CNTNAP4: variants seen among roughly 807,000 people sequenced by gnomAD.
The protein encoded by CNTNAP4 is contactin associated protein family member 4.
Under a neutral mutation model 148.4 loss-of-function variants are expected in CNTNAP4, and 98 were observed. The observed-to-expected ratio is 0.66, with a 90% CI of 0.56 to 0.78. The LOEUF (loss-of-function observed/expected upper bound fraction) is 0.78, where lower values mean the gene tolerates loss of function less well. CNTNAP4 is among the 30% of genes least tolerant of loss of function. The pLI, the probability that CNTNAP4 is intolerant of heterozygous loss-of-function variation, is 0.00. For missense variants in CNTNAP4, 1,935 were observed against 1,565.6 expected (o/e 1.24, Z -3.98); for synonymous variants, 730 against 565.1 (o/e 1.29, Z -4.14).
At position 76,433,759 on chromosome 16, in the gene CNTNAP4, T is replaced by C. The variant is rs574186513; in HGVS notation, c.538+6160T>C. On this transcript the variant is annotated intron_variant, in intron 4 of 23. Coordinates refer to ENST00000611870, the MANE Select transcript of CNTNAP4 (RefSeq NM_033401.5). ...TAGTTATAATTGAGTTCAATACCTA[T>C]TTATTGAGCAACTCCCACATGCTAA... 3.9e-5 allele frequency among the ~76,000 whole-genome samples: 6 copies of C among 152,212 alleles called. No homozygotes were observed. The South Asian group carries it at 1.0e-3, about 26-fold the overall frequency.
intron 3 of CNTNAP4, among the ~76,000 whole-genome samples, chr16:76,384,804 T>C (rs1388761159): frequency 6.6e-6 from 1 of 152,192 alleles, no homozygotes; most frequent in African/African-American, 2.4e-5. Context: ...TTTACTACAG[T>C]TAATTATCCA....
intron 9 of CNTNAP4, among the ~76,000 whole-genome samples, chr16:76,463,333 ATTGT>A (rs1271142699): frequency 6.6e-6 from 1 of 152,198 alleles, no homozygotes; most frequent in East Asian, 1.9e-4. Context: ...ACTGGATAAA[ATTGT>A]TTGTAAATCA....
intron 12 of CNTNAP4, among the ~76,000 whole-genome samples, chr16:76,488,080 G>A (rs1039757481): frequency 2.0e-5 from 3 of 152,198 alleles, no homozygotes; most frequent in Non-Finnish European, 4.4e-5. Context: ...TGGCTAGGCT[G>A]TCAGGTTTGT....
intron 1 of CNTNAP4, among the ~76,000 whole-genome samples, chr16:76,306,987 G>A (rs1457292287): frequency 1.3e-5 from 2 of 152,060 alleles, no homozygotes; most frequent in Non-Finnish European, 2.9e-5. Flanking sequence ...CAGACCCCAT[G>A]TTTTCACAAT....
intron 11 of CNTNAP4, among the ~76,000 whole-genome samples, chr16:76,478,035 C>T (rs1440535546): frequency 6.6e-6 from 1 of 152,116 alleles, no homozygotes; most frequent in Non-Finnish European, 1.5e-5. Flanking sequence ...GAATGACAGT[C>T]TTGGTTATAG....
Position 76,316,430 on chromosome 16 carries a change from C to G in CNTNAP4, c.103C>G (p.Leu35Val). Residue 35 changes from leucine to valine, a missense_variant, in exon 2 of 24, where the codon CTT becomes GTT. By Grantham distance (32) the Leu-to-Val change is conservative (BLOSUM62 1). Coordinates refer to ENST00000611870, the MANE Select transcript of CNTNAP4 (RefSeq NM_033401.5). ...AGNSYDCDDPLVSALPQASFS... is the reference protein window; with the variant it reads ...AGNSYDCDDPVVSALPQASFS... Reference sequence around the variant, plus strand: ...CCTGGCAGATGACTGTGATGATCCTCTTGTGTCTGCCTTGCCTCAGGCATC... The same window carrying G: ...CCTGGCAGATGACTGTGATGATCCTGTTGTGTCTGCCTTGCCTCAGGCATC... The G allele has an allele frequency of 6.2e-7, 1 of 1,613,674 alleles. No individual in the cohort carries two copies. The highest frequency in any genetic ancestry group is 8.5e-7 in the Non-Finnish European group (1 of 1,179,642).
chr16:76,463,644 C>T (rs2081068004), intron 9 of CNTNAP4, among the ~76,000 whole-genome samples: 2 of 152,084 alleles, frequency 1.3e-5, no homozygotes, highest in South Asian at 4.1e-4. Context: ...CTATTGTTCA[C>T]ACCTTACATA....
chr16:76,282,035 C>T (rs1200149473), intron 1 of CNTNAP4, among the ~76,000 whole-genome samples: 1 of 151,380 alleles, frequency 6.6e-6, no homozygotes, highest in South Asian at 2.1e-4. Context: ...GTTAATTGAC[C>T]CCTATTTAAA....
intron 15 of CNTNAP4, among the ~76,000 whole-genome samples, chr16:76,503,975 A>G (rs1162655371): frequency 6.6e-6 from 1 of 152,010 alleles, no homozygotes; most frequent in Non-Finnish European, 1.5e-5. Flanking sequence ...ATATTTAAAA[A>G]TTTATGAATT....
Position 76,498,558 on chromosome 16 carries a change from GT to G in CNTNAP4, c.2238-3del. 6.2e-7 allele frequency: 1 copy of G among 1,600,606 alleles called. No individual in the cohort carries two copies. Among genetic ancestry groups the G allele is most frequent in the Non-Finnish European group, 8.5e-7 (1 of 1,175,180 alleles). On this transcript the variant is annotated splice_polypyrimidine_tract_variant and splice_region_variant and intron_variant, in intron 14 of 23. Transcript: ENST00000611870. ...TCTTAAGAATTTTGTTGTTGCTATT[GT>G]TTTTTAGGACCAATGACACTGGATT... is the stretch of plus-strand genomic sequence containing the variant.
intron 3 of CNTNAP4, among the ~76,000 whole-genome samples, chr16:76,407,961 A>C: frequency 6.6e-6 from 1 of 152,128 alleles, no homozygotes; most frequent in East Asian, 1.9e-4. Context: ...AACCTTCAGC[A>C]ACCACCACCC....
chr16:76,282,040 T>G (rs923083270), intron 1 of CNTNAP4, among the ~76,000 whole-genome samples: 18 of 151,870 alleles, frequency 1.2e-4, no homozygotes, highest in African/African-American at 4.3e-4. Context: ...TTGACCCCTA[T>G]TTAAATAATA....
At chr16:76,471,533 A>C (rs1597652919) in intron 10 of CNTNAP4, among the ~76,000 whole-genome samples, 2 of 150,962 alleles carry the variant, frequency 1.3e-5, no homozygotes, top group South Asian at 2.1e-4. Context: ...CTTCCAATCC[A>C]CCCCTACTAT....
At chr16:76,438,615 C>G (rs4888506) in intron 4 of CNTNAP4, among the ~76,000 whole-genome samples, 96,971 of 151,730 alleles carry the variant, frequency 0.64, 32,389 homozygotes, top group African/African-American at 0.84. Context: ...TCTAGGTGAT[C>G]AGCCAGTAAT....
intron 4 of CNTNAP4, among the ~76,000 whole-genome samples, chr16:76,431,547 C>T (rs574587762): frequency 1.2e-4 from 18 of 152,222 alleles, no homozygotes; most frequent in South Asian, 4.1e-4. Flanking sequence ...GGCGTGGCAG[C>T]GCACGCCTGT....
chr16:76,462,510 G>A (rs535434833), intron 9 of CNTNAP4, among the ~76,000 whole-genome samples: 1 of 152,260 alleles, frequency 6.6e-6, no homozygotes, highest in South Asian at 2.1e-4. Context: ...CAGTACAGAA[G>A]GACAATATTA....
intron 1 of CNTNAP4, 184 bp from the exon 2 acceptor site, chr16:76,316,224 TTTAAG>T (rs1243839750): frequency 3.2e-6 from 2 of 629,282 alleles, no homozygotes; most frequent in Admixed American, 2.7e-5. Flanking sequence ...TTCTCCTGTC[TTTAAG>T]TTTTTTCTTT....
chr16:76,557,483 A>G (rs1276655592), intron 23 of CNTNAP4: 1 of 152,216 alleles, frequency 6.6e-6, no homozygotes, highest in Non-Finnish European at 1.5e-5. Context: ...TCCCATTTTA[A>G]CACACAAAAT....
rs115318529 is a variant in CNTNAP4 at position 76,479,853 on chromosome 16, T to C, written c.1882+315T>C. Among the ~76,000 whole-genome samples, 537 of 152,278 alleles carry C rather than the reference T, an allele frequency of 3.5e-3. 5 individuals carry two copies. The highest frequency in any genetic ancestry group is 0.011 in the African/African-American group (461 of 41,590). ...AAAGCTTTGAAGAATATTTACTTTTTAAATGTATGTAAACATAAAGTTTAC... is the reference window on the plus strand; with the variant it reads ...AAAGCTTTGAAGAATATTTACTTTTCAAATGTATGTAAACATAAAGTTTAC... On this transcript the variant is annotated intron_variant, in intron 12 of 23. Transcript: ENST00000611870.
Sources: gnomAD v4.1 joint callset for allele counts (sites outside exome capture counted in the v4.1 genomes callset) on GRCh38, gnomAD v4.1.1 for gene constraint, MANE v1.5 for transcripts, NCBI Gene and HGNC (gene_info 2026-07-23, HGNC 2026-07-21) for gene names.